Variants in PFKFB4 observed in about 807,000 individuals in gnomAD.
PFKFB4 encodes the protein 6-phosphofructo-2-kinase/fructose-2,6-biphosphatase 4.
Under a neutral mutation model 62.8 loss-of-function variants are expected in PFKFB4, and 42 were observed. The observed-to-expected ratio is 0.67, with a 90% CI of 0.52 to 0.86. PFKFB4 has a LOEUF of 0.86. Among genes scored for constraint, PFKFB4 ranks in the 40% least tolerant of loss-of-function variants. PFKFB4 has a pLI of 0.00. For missense variants in PFKFB4, 475 were observed against 627.2 expected (o/e 0.76, Z 2.59); for synonymous variants, 204 against 240.7 (o/e 0.85, Z 1.41).
upstream of PFKFB4, chr3:48,559,575 G>A (rs781462266): frequency 2.2e-6 from 1 of 457,062 alleles, no homozygotes; most frequent in South Asian, 1.5e-5. Flanking sequence ...CTCAGCATCA[G>A]CGGATGCCCG....
intron 4 of PFKFB4, among the ~76,000 whole-genome samples, chr3:48,540,185 G>T (rs2042756270): frequency 6.6e-6 from 1 of 152,200 alleles, no homozygotes. Context: ...AGTAAAATGG[G>T]AACAGAAGGA....
At chr3:48,549,109 C>T (rs2043050217) in intron 3 of PFKFB4, among the ~76,000 whole-genome samples, 1 of 152,212 alleles carries the variant, frequency 6.6e-6, no homozygotes, top group African/African-American at 2.4e-5. Flanking sequence ...ACAGCTAACA[C>T]CTCCTGAGAA....
At chr3:48,529,241 T>C (rs953815709) in intron 9 of PFKFB4, among the ~76,000 whole-genome samples, 1 of 152,128 alleles carries the variant, frequency 6.6e-6, no homozygotes, top group Non-Finnish European at 1.5e-5. Context: ...CTATGGTATA[T>C]GAATTATATC....
intron 3 of PFKFB4, chr3:48,548,294 C>T (rs973285808): frequency 6.6e-6 from 1 of 152,078 alleles, no homozygotes; most frequent in Admixed American, 6.6e-5. Flanking sequence ...TGAGGCACCG[C>T]CCACCACAGA....
At chr3:48,539,096 G>A (rs1253218443) in intron 6 of PFKFB4, among the ~76,000 whole-genome samples, 158 bp downstream of exon 6, 1 of 152,152 alleles carries the variant, frequency 6.6e-6, no homozygotes, top group Non-Finnish European at 1.5e-5. Context: ...GCCTTCCACA[G>A]TGATCCACAG....
At chr3:48,557,730 T>C (rs1423361333), upstream of PFKFB4, among the ~76,000 whole-genome samples, 1 of 152,030 alleles carries the variant, frequency 6.6e-6, no homozygotes, top group Non-Finnish European at 1.5e-5. Flanking sequence ...AGAGGCGGGA[T>C]TTCACCACGT....
chr3:48,561,071 C>T (rs1344317560), upstream of PFKFB4: 1 of 1,283,660 alleles, frequency 7.8e-7, no homozygotes, highest in East Asian at 5.8e-5. The surrounding 1 kb of genome is among the most constrained non-coding windows in gnomAD (Gnocchi z 5.2). Context: ...TGCTCCCCGG[C>T]CCCAGGTCGG....
Position 48,550,119 on chromosome 3 carries a change from C to A in PFKFB4, c.213G>T (p.Arg71=), listed in dbSNP as rs768376497. 2 of 1,608,890 alleles carry A rather than the reference C, an allele frequency of 1.2e-6. No individual in the cohort carries two copies. Among genetic ancestry groups the A allele is most frequent in the East Asian group, 2.2e-5 (1 of 44,846 alleles). Residue 71 remains arginine, a splice_region_variant and synonymous_variant, in exon 2 of 14, where the codon CGG becomes CGT. Transcript: ENST00000232375. The part of the protein sequence containing the change: ...RYLNWIGVPT[R]EFNVGQYRRD... ...TAGACAGCTGGGGCCAAGCCTCACC[C>A]CGAGTGGGCACACCAATCCAGTTCA...
rs2043314907 is a variant in PFKFB4, at chr3:48,556,329, G to A, written c.97+352C>T. On this transcript the variant is annotated intron_variant, in intron 1 of 13. Coordinates refer to ENST00000232375, the MANE Select transcript of PFKFB4 (RefSeq NM_004567.4). The surrounding 1 kb of genome is among the most constrained non-coding windows in gnomAD (Gnocchi z 5.7). ...CACTCCTTGGCCAGGAGAGAGGGAA[G>A]GGCCTGGGGTGCCCACAGGGTCCTC... The A allele has an allele frequency of 1.9e-6, 1 of 516,282 alleles. No homozygotes were observed. Among genetic ancestry groups the A allele is most frequent in the African/African-American group, 1.9e-5 (1 of 52,634 alleles). The allele number at this position is 516,282 out of a possible 1,614,324, so 32.0% of individuals were successfully genotyped here.
At position 48,556,647 on chromosome 3, in the gene PFKFB4, A is replaced by G. The variant is rs929562125; in HGVS notation, c.97+34T>C. On this transcript the variant is annotated intron_variant, in intron 1 of 13. Transcript: ENST00000232375. The surrounding 1 kb of genome is among the most constrained non-coding windows in gnomAD (Gnocchi z 5.7). The stretch of plus-strand genomic sequence containing the variant: ...CCGCCCTACCCACCCATCCCGGTGC[A>G]CCTCCCACCTCCTCCCAGAGGACCC... 11 of 1,315,934 alleles carry G rather than the reference A, an allele frequency of 8.4e-6. No individual in the cohort carries two copies. The highest frequency in any genetic ancestry group is 1.0e-5 in the Non-Finnish European group (10 of 982,330). The allele number at this position is 1,315,934 out of a possible 1,614,324, so 81.5% of individuals were successfully genotyped here. A position where few individuals can be genotyped will look rare whatever the true frequency, so the allele number is the denominator to read the frequency against.
intron 9 of PFKFB4, among the ~76,000 whole-genome samples, chr3:48,532,113 T>A (rs924514551): frequency 6.6e-6 from 1 of 151,962 alleles, no homozygotes; most frequent in Non-Finnish European, 1.5e-5. Context: ...TTGAGACCAG[T>A]CTGGCCAACA....
chr3:48,537,160 G>T (rs2042647669), intron 7 of PFKFB4, among the ~76,000 whole-genome samples: 1 of 152,190 alleles, frequency 6.6e-6, no homozygotes, highest in African/African-American at 2.4e-5. Context: ...GGGGGTGCAG[G>T]GTGGGCTCTG....
rs751048702 is a variant in PFKFB4, at chr3:48,535,502, C to T, written c.987+10G>A. On this transcript the variant is annotated intron_variant, in intron 9 of 13. Coordinates refer to ENST00000232375, the MANE Select transcript of PFKFB4 (RefSeq NM_004567.4). ...TGGGAGGTAGACAGGGAGGGAGGGA[C>T]GGTAACTACCGCATCGATCTCGTTG... is the stretch of plus-strand genomic sequence containing the variant. The T allele has an allele frequency of 1.2e-5, 20 of 1,609,242 alleles. No homozygotes were observed. Among genetic ancestry groups the T allele is most frequent in the Middle Eastern group, 1.7e-4 (1 of 5,906 alleles).
chr3:48,525,264 C>T (rs150775321), intron 10 of PFKFB4, among the ~76,000 whole-genome samples: 47 of 152,286 alleles, frequency 3.1e-4, no homozygotes, highest in African/African-American at 1.1e-3. Flanking sequence ...CCTGCCCTTC[C>T]GAATTCTCCA....
chr3:48,518,287 A>C lies in PFKFB4; in HGVS notation c.*1460T>G, dbSNP rs894699981. 3.9e-5 allele frequency: 6 copies of C among 152,546 alleles called. No individual in the cohort carries two copies. Among genetic ancestry groups the C allele is most frequent in the Non-Finnish European group, 8.8e-5 (6 of 68,306 alleles). The allele number at this position is 152,546 out of a possible 1,614,324, so 9.4% of individuals were successfully genotyped here. On this transcript the variant is annotated 3_prime_UTR_variant, in exon 14 of 14. Coordinates refer to ENST00000232375, the MANE Select transcript of PFKFB4 (RefSeq NM_004567.4). ...GAGAGACCACCGGCCAGGGCCAGGG[A>C]CGCTAACTTCTCTCAGGGACAGGTG...
At chr3:48,559,658 C>T (rs1215928659), upstream of PFKFB4, 19 of 454,806 alleles carry the variant, frequency 4.2e-5, no homozygotes, top group Middle Eastern at 3.3e-4. Flanking sequence ...CTGTCCCAGG[C>T]GTGGGAAGTA....
intron 1 of PFKFB4, among the ~76,000 whole-genome samples, chr3:48,553,211 T>C (rs1033685770): frequency 6.6e-6 from 1 of 152,172 alleles, no homozygotes; most frequent in Non-Finnish European, 1.5e-5. Context: ...TGATGGCACA[T>C]GCCTGTAATC....
At chr3:48,529,199 G>A (rs1334961552) in intron 9 of PFKFB4, among the ~76,000 whole-genome samples, 1 of 151,854 alleles carries the variant, frequency 6.6e-6, no homozygotes, top group Non-Finnish European at 1.5e-5. Flanking sequence ...CACCACAAAT[G>A]GCCTGAACTG....
At chr3:48,551,214 C>CTTTT (rs773561800) in intron 1 of PFKFB4, among the ~76,000 whole-genome samples, 3 of 135,086 alleles carry the variant, frequency 2.2e-5, no homozygotes, top group Admixed American at 7.5e-5. Context: ...GCTCACTTTT[C>CTTTT]TTTTTTTTTT....
Sources: allele counts gnomAD v4.1 joint callset (sites outside exome capture counted in the v4.1 genomes callset), GRCh38; gene constraint gnomAD v4.1.1; non-coding constraint Gnocchi (gnomAD v3.1); transcripts MANE v1.5; gene names NCBI Gene and HGNC (gene_info 2026-07-23, HGNC 2026-07-21).